The following UGT2A1 variants were observed in gnomAD, a reference collection of about 807,000 sequenced individuals.
UGT2A1 encodes the protein UDP-glucuronosyltransferase 2A1.
In UGT2A1, 61 loss-of-function variants were observed where a neutral mutation model predicts 45.4. The ratio of observed to expected loss-of-function variants is 1.34; its 90% confidence interval spans 1.09 to 1.66. The LOEUF is 1.66. Ranked by LOEUF, UGT2A1 falls within the 40% of genes most tolerant of loss-of-function variation. UGT2A1 has a pLI of 0.00. For missense variants in UGT2A1, 649 were observed against 574.3 expected (o/e 1.13, Z -1.33); for synonymous variants, 229 against 196.2 (o/e 1.17, Z -1.40).
At chr4:69,596,234 T>C (rs1029396575) in intron 4 of UGT2A1, 13 of 1,503,216 alleles carry the variant, frequency 8.6e-6, no homozygotes, top group Non-Finnish European at 1.2e-5. Context: ...GTACCAGGAT[T>C]CCAGGCTGTA....
chr4:69,623,782 T>A (rs1424109963), intron 3 of UGT2A1, among the ~76,000 whole-genome samples: 2 of 151,428 alleles, frequency 1.3e-5, no homozygotes, highest in South Asian at 2.1e-4. Context: ...ACCTTTGAGA[T>A]AAAGGTAGAA....
chr4:69,590,488 C>T lies in UGT2A1; in HGVS notation c.1305-837G>A, dbSNP rs575183436. Among the ~76,000 whole-genome samples the T allele has an allele frequency of 2.0e-5, 3 of 152,200 alleles. No homozygotes were observed. The South Asian group carries it at 6.2e-4, about 32-fold the overall frequency. The stretch of plus-strand genomic sequence containing the variant: ...TGGAAGAAAAGTTCCAGCCTGGATT[C>T]ATGAAGATGAGCGAAGGTAAATGGT... On this transcript the variant is annotated intron_variant, in intron 6 of 6. Coordinates refer to ENST00000286604, the MANE Select transcript of UGT2A1 (RefSeq NM_001252275.3).
At chr4:69,621,187 A>G (rs1720734088) in intron 3 of UGT2A1, among the ~76,000 whole-genome samples, 1 of 152,082 alleles carries the variant, frequency 6.6e-6, no homozygotes, top group Non-Finnish European at 1.5e-5. Context: ...GCACAGCAAA[A>G]TAAACTATCA....
At chr4:69,627,534 A>AAGAGAG (rs150318319) in intron 3 of UGT2A1, among the ~76,000 whole-genome samples, 28 of 139,580 alleles carry the variant, frequency 2.0e-4, no homozygotes, top group African/African-American at 6.9e-4. Context: ...GAAAGAAAGA[A>AAGAGAG]AGAGAGAGAG....
At chr4:69,624,640 G>A (rs770936102) in intron 3 of UGT2A1, among the ~76,000 whole-genome samples, 1 of 148,910 alleles carries the variant, frequency 6.7e-6, no homozygotes, top group Non-Finnish European at 1.5e-5. Context: ...TACCTTTGTT[G>A]TGGTTGTGTG....
chr4:69,638,260 G>A (rs10518063), intron 2 of UGT2A1, among the ~76,000 whole-genome samples: 1 of 151,948 alleles, frequency 6.6e-6, no homozygotes, highest in Non-Finnish European at 1.5e-5. Context: ...ATAAAAGCCA[G>A]GAAAAATAAG....
intron 2 of UGT2A1, among the ~76,000 whole-genome samples, chr4:69,641,061 A>G (rs553501175): frequency 6.6e-6 from 1 of 151,878 alleles, no homozygotes; most frequent in Non-Finnish European, 1.5e-5. Flanking sequence ...ATGTAAGAAA[A>G]ATATAATAAT....
chr4:69,595,080 G>A, intron 5 of UGT2A1, 82 bp downstream of exon 5: 1 of 1,500,986 alleles, frequency 6.7e-7, no homozygotes, highest in Non-Finnish European at 9.2e-7. Flanking sequence ...TATTAAAAAT[G>A]TATTGAATTT....
chr4:69,641,891 A>G (rs1578005319), intron 2 of UGT2A1, among the ~76,000 whole-genome samples: 1 of 151,698 alleles, frequency 6.6e-6, no homozygotes, highest in Admixed American at 6.6e-5. Flanking sequence ...TATTTTAGGG[A>G]GAGAATCTTA....
intron 6 of UGT2A1, among the ~76,000 whole-genome samples, chr4:69,590,213 A>T (rs1339719906): frequency 6.6e-6 from 1 of 152,106 alleles, no homozygotes; most frequent in Non-Finnish European, 1.5e-5. Context: ...GAACAAAAAT[A>T]CTCTGGTGAT....
intron 3 of UGT2A1, 108 bp from the exon 4 acceptor site, chr4:69,599,502 T>A: frequency 6.7e-7 from 1 of 1,487,026 alleles, no homozygotes; most frequent in South Asian, 1.3e-5. Context: ...AAAAACTGAA[T>A]TAGGTCTTCT....
At chr4:69,645,334 G>T (rs903080076) in intron 2 of UGT2A1, among the ~76,000 whole-genome samples, 1 of 151,590 alleles carries the variant, frequency 6.6e-6, no homozygotes, top group African/African-American at 2.4e-5. Flanking sequence ...TCCCATATTC[G>T]CTATCAGGGT....
chr4:69,634,016 C>T (rs1199287771), intron 3 of UGT2A1, among the ~76,000 whole-genome samples: 2 of 151,956 alleles, frequency 1.3e-5, no homozygotes, highest in African/African-American at 2.4e-5. Flanking sequence ...GAGGCCGAGG[C>T]GGGCGGATCA....
intron 3 of UGT2A1, chr4:69,599,664 G>A (rs927181585): frequency 4.0e-5 from 13 of 323,000 alleles, no homozygotes; most frequent in African/African-American, 2.9e-4. Flanking sequence ...GGAAAAGTGA[G>A]AAAAAGGGAA....
chr4:69,596,253 C>T lies in UGT2A1; in HGVS notation c.997-1004G>A, dbSNP rs1007072892. Reference sequence around the variant, plus strand: ...CAGGATTCCAGGCTGTACTGACCTTCTGTGGAATCTGGGCAAGGGCTGAGG... The same window carrying T: ...CAGGATTCCAGGCTGTACTGACCTTTTGTGGAATCTGGGCAAGGGCTGAGG... On this transcript the variant is annotated intron_variant, in intron 4 of 6. Coordinates refer to ENST00000286604, the MANE Select transcript of UGT2A1 (RefSeq NM_001252275.3). 15 of 1,576,530 alleles carry T rather than the reference C, an allele frequency of 9.5e-6. No homozygotes were observed. The Admixed American group carries it at 2.2e-4, about 23-fold the overall frequency.
At chr4:69,594,822 G>T in intron 5 of UGT2A1, 126 bp from the exon 6 acceptor site, 1 of 1,172,734 alleles carries the variant, frequency 8.5e-7, no homozygotes, top group Non-Finnish European at 1.2e-6. Context: ...TACAAAAGCA[G>T]ATCACATAGG....
At chr4:69,618,221 T>TTGTGTGTGTGTGTGTG (rs112693693) in intron 3 of UGT2A1, among the ~76,000 whole-genome samples, 4 of 144,630 alleles carry the variant, frequency 2.8e-5, no homozygotes, top group Non-Finnish European at 6.0e-5. Context: ...GTGTGTATGT[T>TTGTGTGTGTGTGTGTG]TGTGTGTGTG....
rs1719492447 is a variant in UGT2A1 at position 69,604,649 on chromosome 4, C to A, written c.848-5255G>T. 2.2e-5 allele frequency among the ~76,000 whole-genome samples: 3 copies of A among 136,824 alleles called. 1 individual carries two copies. The highest frequency in any genetic ancestry group is 8.9e-5 in the African/African-American group (3 of 33,792). The allele number at this position is 136,824 out of a possible 152,430, so 89.8% of individuals were successfully genotyped here. ...GCAAATTGGATAAAGAGCCAAGACC[C>A]ATCAGTGTGCTGTATTCAGGAAACC... On this transcript the variant is annotated intron_variant, in intron 3 of 6. Transcript: ENST00000286604.
chr4:69,590,869 G>T (rs1718558991), intron 6 of UGT2A1, among the ~76,000 whole-genome samples: 1 of 152,080 alleles, frequency 6.6e-6, no homozygotes, highest in Admixed American at 6.6e-5. Flanking sequence ...TTTTATGACT[G>T]ATATGTTAAA....
Sources: allele counts gnomAD v4.1 joint callset (sites outside exome capture counted in the v4.1 genomes callset), GRCh38; gene constraint gnomAD v4.1.1; transcripts MANE v1.5; gene names NCBI Gene and HGNC (gene_info 2026-07-23, HGNC 2026-07-21).